TANC2: variants seen among roughly 807,000 people sequenced by gnomAD.
The protein encoded by TANC2 is protein TANC2.
Under a neutral mutation model 210.5 loss-of-function variants are expected in TANC2, and 26 were observed. That is an observed-to-expected ratio of 0.12 (90% CI 0.09 to 0.17). The LOEUF (loss-of-function observed/expected upper bound fraction) is 0.17, where lower values mean the gene tolerates loss of function less well. Among genes scored for constraint, TANC2 ranks in the 10% least tolerant of loss-of-function variants. The pLI, the probability that TANC2 is intolerant of heterozygous loss-of-function variation, is 1.00. For missense variants in TANC2, 2,129 were observed against 2,608.9 expected (o/e 0.82, Z 4.01); for synonymous variants, 931 against 967.1 (o/e 0.96, Z 0.69).
chr17:63,129,341 G>A (rs367808330), intron 4 of TANC2, among the ~76,000 whole-genome samples: 8 of 152,064 alleles, frequency 5.3e-5, no homozygotes, highest in African/African-American at 1.4e-4. Flanking sequence ...AGGTTCCAGC[G>A]TTACCACTTA....
chr17:63,086,211 T>C (rs948210576), intron 3 of TANC2, among the ~76,000 whole-genome samples: 4 of 152,142 alleles, frequency 2.6e-5, no homozygotes, highest in African/African-American at 9.7e-5. Context: ...GAAGCATAGT[T>C]TGTTTGGCAT....
chr17:63,017,384 A>G (rs900729403), intron 2 of TANC2, among the ~76,000 whole-genome samples: 2 of 152,232 alleles, frequency 1.3e-5, no homozygotes, highest in Non-Finnish European at 2.9e-5. Context: ...ATGGGCTGCT[A>G]TAAATTTACA....
intron 5 of TANC2, among the ~76,000 whole-genome samples, chr17:63,181,840 G>A (rs1470880221): frequency 6.6e-6 from 1 of 152,086 alleles, no homozygotes; most frequent in African/African-American, 2.4e-5. Context: ...GTTATTCGGT[G>A]GTTACAGAAA....
chr17:62,967,757 C>CT (rs2031436448), intron 1 of TANC2: 2 of 151,624 alleles, frequency 1.3e-5, no homozygotes, highest in African/African-American at 4.8e-5. Flanking sequence ...GAGCCAGTAT[C>CT]TATCACAATG....
intron 8 of TANC2, among the ~76,000 whole-genome samples, chr17:63,238,746 C>T (rs1469431969): frequency 6.6e-6 from 1 of 152,160 alleles, no homozygotes; most frequent in Non-Finnish European, 1.5e-5. Flanking sequence ...TTAATTGGCT[C>T]ACAGTTCCAC....
At position 63,095,496 on chromosome 17, in the gene TANC2, C is replaced by G. The variant is rs75715192; in HGVS notation, c.140-3679C>G. ...TTGAGCAGAAGTCTTAAGTATGTTCCTTTGATTTGACTTGGCCTCCTGCAC... is the reference window on the plus strand; with the variant it reads ...TTGAGCAGAAGTCTTAAGTATGTTCGTTTGATTTGACTTGGCCTCCTGCAC... On this transcript the variant is annotated intron_variant, in intron 3 of 27. Coordinates refer to ENST00000689528, the Ensembl canonical transcript of TANC2. Among the ~76,000 whole-genome samples the G allele has an allele frequency of 5.1e-4, 77 of 152,148 alleles. 1 individual carries two copies. The highest frequency in any genetic ancestry group is 1.7e-3 in the African/African-American group (69 of 41,508).
chr17:63,244,032 C>A (rs2146101537), intron 8 of TANC2, among the ~76,000 whole-genome samples: 1 of 152,280 alleles, frequency 6.6e-6, no homozygotes, highest in South Asian at 2.1e-4. Flanking sequence ...GATTTCCCAT[C>A]TAAACTTGCA....
intron 8 of TANC2, among the ~76,000 whole-genome samples, chr17:63,256,656 G>C (rs537253729): frequency 2.0e-5 from 3 of 152,260 alleles, no homozygotes; most frequent in Non-Finnish European, 4.4e-5. Context: ...TTGATTTTCT[G>C]TCTGGATGAT....
chr17:63,091,643 A>G (rs1316482798), intron 3 of TANC2, among the ~76,000 whole-genome samples: 2 of 152,156 alleles, frequency 1.3e-5, no homozygotes, highest in Admixed American at 6.5e-5. Flanking sequence ...GTCAGGTAGC[A>G]TGATGCCTCC....
chr17:62,977,636 A>AT (rs767958889), intron 1 of TANC2, among the ~76,000 whole-genome samples: 31 of 150,538 alleles, frequency 2.1e-4, no homozygotes, highest in African/African-American at 5.4e-4. Flanking sequence ...CATTCTACCT[A>AT]TTTTTTTTTA....
intron 9 of TANC2, among the ~76,000 whole-genome samples, chr17:63,312,984 AGAGTGCACACATGTATGTGTGC>A (rs1423768841): frequency 6.6e-6 from 1 of 152,192 alleles, no homozygotes; most frequent in Non-Finnish European, 1.5e-5. Context: ...GTTTTAAATG[AGAGTGCACACATGTATGTGTGC>A]GTGTGTCTGT....
intron 2 of TANC2, among the ~76,000 whole-genome samples, chr17:63,033,888 C>T (rs573037299): frequency 4.6e-4 from 70 of 152,168 alleles, no homozygotes; most frequent in African/African-American, 1.7e-3. Flanking sequence ...ACTATAAAGT[C>T]GAATTTACTT....
intron 4 of TANC2, among the ~76,000 whole-genome samples, chr17:63,111,867 A>C (rs2038060828): frequency 6.6e-6 from 1 of 152,110 alleles, no homozygotes; most frequent in South Asian, 2.1e-4. Context: ...CTGGGATTAC[A>C]GGCGTGCACC....
intron 1 of TANC2, among the ~76,000 whole-genome samples, chr17:62,990,004 C>T (rs1032736709): frequency 2.6e-5 from 4 of 152,054 alleles, no homozygotes; most frequent in African/African-American, 9.7e-5. Context: ...CTCTTGAACT[C>T]CTGACCTCGT....
intron 9 of TANC2, among the ~76,000 whole-genome samples, chr17:63,272,134 T>C (rs1428551089): frequency 1.3e-5 from 2 of 152,242 alleles, no homozygotes; most frequent in Non-Finnish European, 2.9e-5. Context: ...AATTTTCTTA[T>C]GTGGTGTAAG....
chr17:63,106,878 TGTA>T (rs1404488751), intron 4 of TANC2, among the ~76,000 whole-genome samples: 1 of 151,668 alleles, frequency 6.6e-6, no homozygotes, highest in Non-Finnish European at 1.5e-5. Flanking sequence ...TTTATAGTAT[TGTA>T]GTGTTTATTT....
At chr17:63,149,411 T>G (rs2039571698) in intron 4 of TANC2, 1 of 152,094 alleles carries the variant, frequency 6.6e-6, no homozygotes, top group Admixed American at 6.6e-5. Context: ...CATTTCTACC[T>G]TAAGTTTCTG....
intron 8 of TANC2, among the ~76,000 whole-genome samples, chr17:63,255,334 C>T (rs919325917): frequency 1.4e-4 from 22 of 151,972 alleles, no homozygotes; most frequent in African/African-American, 4.1e-4. Context: ...GTTTGTGATC[C>T]GCCTGCCTCG....
At chr17:62,971,479 G>C (rs916239096) in intron 1 of TANC2, among the ~76,000 whole-genome samples, 3 of 152,152 alleles carry the variant, frequency 2.0e-5, no homozygotes, top group African/African-American at 4.8e-5. Flanking sequence ...ATAGGCACGT[G>C]CCACCATATC....
Sources: gnomAD v4.1 joint callset for allele counts (sites outside exome capture counted in the v4.1 genomes callset) on GRCh38, gnomAD v4.1.1 for gene constraint, MANE v1.5 for transcripts, NCBI Gene and HGNC (gene_info 2026-07-23, HGNC 2026-07-21) for gene names.